The following PAX5 variants were observed in gnomAD, a reference collection of about 807,000 sequenced individuals.
The protein encoded by PAX5 is paired box protein Pax-5.
In PAX5, 9 loss-of-function variants were observed where a neutral mutation model predicts 43.7. The observed-to-expected ratio is 0.21, with a 90% CI of 0.12 to 0.36. The LOEUF (loss-of-function observed/expected upper bound fraction) is 0.36. PAX5 is among the 10% of genes least tolerant of loss of function. The probability of loss-of-function intolerance (pLI) is 1.00; values close to 1 mark genes in which losing one functional copy is unlikely to be tolerated. For missense variants in PAX5, 383 were observed against 532.7 expected (o/e 0.72, Z 2.77); for synonymous variants, 228 against 214.3 (o/e 1.06, Z -0.56).
chr9:36,966,791 G>C, intron 5 of PAX5, 67 bp from the exon 6 acceptor site: 7 of 1,436,570 alleles, frequency 4.9e-6, no homozygotes, highest in Non-Finnish European at 6.7e-6. Context: ...AGACAGGTCA[G>C]ACCCTGAGAC....
intron 6 of PAX5, among the ~76,000 whole-genome samples, chr9:36,924,652 C>G (rs10973128): frequency 0.093 from 13,848 of 148,720 alleles, 679 homozygotes; most frequent in East Asian, 0.11. Flanking sequence ...CCCAGGAGAT[C>G]GAGGCTGCAG....
At chr9:36,921,780 G>C (rs1011508353) in intron 7 of PAX5, among the ~76,000 whole-genome samples, 1 of 152,180 alleles carries the variant, frequency 6.6e-6, no homozygotes, top group Non-Finnish European at 1.5e-5. Context: ...CAGGATCTAG[G>C]AGCCAGAGGG....
chr9:36,988,714 C>CGTTTTT (rs1282704244), intron 5 of PAX5, among the ~76,000 whole-genome samples: 93 of 147,744 alleles, frequency 6.3e-4, no homozygotes, highest in Middle Eastern at 3.5e-3. Context: ...AACAAAAAAT[C>CGTTTTT]TGGGAATTTA....
chr9:36,945,933 C>T (rs1832462898), intron 6 of PAX5, among the ~76,000 whole-genome samples: 1 of 152,214 alleles, frequency 6.6e-6, no homozygotes, highest in Non-Finnish European at 1.5e-5. Flanking sequence ...ATCATTTGTA[C>T]TCTATTGTTA....
At chr9:37,012,435 G>C (rs989193696) in intron 3 of PAX5, among the ~76,000 whole-genome samples, 23 of 152,286 alleles carry the variant, frequency 1.5e-4, no homozygotes, top group African/African-American at 5.5e-4. Context: ...GACTATAGGA[G>C]ACCACAGACA....
chr9:36,983,292 C>T (rs142089368), intron 5 of PAX5, among the ~76,000 whole-genome samples: 57 of 152,294 alleles, frequency 3.7e-4, no homozygotes, highest in African/African-American at 1.1e-3. Context: ...ATGGCAACAC[C>T]GCCAGAGATA....
At chr9:37,017,967 G>A (rs1159226467) in intron 2 of PAX5, among the ~76,000 whole-genome samples, 1 of 152,232 alleles carries the variant, frequency 6.6e-6, no homozygotes, top group African/African-American at 2.4e-5. Context: ...ACCAACGGCA[G>A]CCACCAACAC....
chr9:37,029,074 C>T (rs891466003), intron 1 of PAX5, among the ~76,000 whole-genome samples: 1 of 152,134 alleles, frequency 6.6e-6, no homozygotes, highest in African/African-American at 2.4e-5. Context: ...GGGAGTGGTC[C>T]GAAGACTCAA....
At chr9:36,933,552 G>T (rs74849342) in intron 6 of PAX5, among the ~76,000 whole-genome samples, 4,724 of 152,218 alleles carry the variant, frequency 0.031, 115 homozygotes, top group Middle Eastern at 0.051. Flanking sequence ...TGCAGCACTG[G>T]TCCCCTACCT....
At chr9:36,933,430 G>C (rs1044347600) in intron 6 of PAX5, among the ~76,000 whole-genome samples, 1 of 152,200 alleles carries the variant, frequency 6.6e-6, no homozygotes, top group African/African-American at 2.4e-5. Context: ...TGCCTGCCTA[G>C]CACTTTCCAG....
At chr9:36,883,575 G>A (rs2131775545) in intron 7 of PAX5, among the ~76,000 whole-genome samples, 1 of 152,266 alleles carries the variant, frequency 6.6e-6, no homozygotes, top group African/African-American at 2.4e-5. Context: ...GGAGGCTGAG[G>A]CAGGAGAATC....
At chr9:36,993,141 C>T (rs1236580882) in intron 5 of PAX5, among the ~76,000 whole-genome samples, 1 of 152,162 alleles carries the variant, frequency 6.6e-6, no homozygotes, top group South Asian at 2.1e-4. Context: ...AATACAGCAG[C>T]AGCTATGAGA....
chr9:37,020,432 G>A (rs767258222), intron 2 of PAX5, among the ~76,000 whole-genome samples: 1 of 152,242 alleles, frequency 6.6e-6, no homozygotes, highest in East Asian at 1.9e-4. Flanking sequence ...TCCTGACTAA[G>A]TCACCCTATT....
intron 5 of PAX5, among the ~76,000 whole-genome samples, chr9:36,980,740 C>G (rs1330329503): frequency 1.3e-5 from 2 of 152,046 alleles, no homozygotes; most frequent in Non-Finnish European, 2.9e-5. Context: ...GAATGGCTAT[C>G]CAGAGAAGGG....
chr9:36,879,691 T>C (rs1826229754), intron 8 of PAX5, among the ~76,000 whole-genome samples: 1 of 152,186 alleles, frequency 6.6e-6, no homozygotes, highest in Non-Finnish European at 1.5e-5. Context: ...CAGGGATTAC[T>C]CTCCTAACCC....
chr9:37,006,352 G>A (rs767378378), intron 4 of PAX5, 121 bp downstream of exon 4: 11 of 632,064 alleles, frequency 1.7e-5, no homozygotes, highest in South Asian at 4.6e-5. Context: ...CAAAGAAGGC[G>A]CATTAGTACG....
At chr9:36,964,317 A>G (rs1834228723) in intron 6 of PAX5, among the ~76,000 whole-genome samples, 1 of 152,016 alleles carries the variant, frequency 6.6e-6, no homozygotes, top group South Asian at 2.1e-4. Flanking sequence ...GGCTGGGCGC[A>G]GTGGCTCACA....
chr9:36,966,820 C>T lies in PAX5; in HGVS notation c.605-96G>A, dbSNP rs1834483849. The T allele has an allele frequency of 7.5e-6, 8 of 1,066,074 alleles. No homozygotes were observed. In the South Asian group the frequency reaches 1.2e-4, roughly 16 times the overall value. 66.0% of individuals were successfully genotyped at this position (1,066,074 alleles called of 1,614,324 possible). On this transcript the variant is annotated intron_variant, in intron 5 of 9. Transcript: ENST00000358127. Reference sequence around the variant, plus strand: ...CTGAGACTATGAAGAGGACCTGACCCCAACTCCCTCCCTGACCAGAGAATA... The same window carrying T: ...CTGAGACTATGAAGAGGACCTGACCTCAACTCCCTCCCTGACCAGAGAATA...
chr9:36,887,296 AG>A (rs1042937939), intron 7 of PAX5, among the ~76,000 whole-genome samples: 4 of 152,222 alleles, frequency 2.6e-5, no homozygotes, highest in Admixed American at 6.5e-5. Flanking sequence ...AAGGCTCAAA[AG>A]ATCCAATCCA....
Sources: allele counts gnomAD v4.1 joint callset (sites outside exome capture counted in the v4.1 genomes callset), GRCh38; gene constraint gnomAD v4.1.1; transcripts MANE v1.5; gene names NCBI Gene and HGNC (gene_info 2026-07-23, HGNC 2026-07-21).